The following DSCAML1 variants were observed in gnomAD, a reference collection of about 807,000 sequenced individuals.
The protein encoded by DSCAML1 is cell adhesion molecule DSCAML1.
Under a neutral mutation model 200.5 loss-of-function variants are expected in DSCAML1, and 38 were observed. That is an observed-to-expected ratio of 0.19 (90% CI 0.15 to 0.25). The LOEUF is 0.25. DSCAML1 is among the 10% of genes least tolerant of loss of function. The pLI is 1.00. For synonymous variants in DSCAML1, 1,215 were observed against 1,165.0 expected, an observed-to-expected ratio of 1.04 and a Z score of -0.87; for missense variants, 2,223 against 2,858.8, an observed-to-expected ratio of 0.78 and a Z score of 5.07.
At chr11:117,786,991 C>T (rs937921279) in intron 1 of DSCAML1, among the ~76,000 whole-genome samples, 3 of 152,178 alleles carry the variant, frequency 2.0e-5, no homozygotes, top group Non-Finnish European at 4.4e-5. Context: ...TATTCTCTCC[C>T]TTGCAAGGCC....
At chr11:117,613,525 G>T (rs138564973) in intron 3 of DSCAML1, among the ~76,000 whole-genome samples, 1 of 152,036 alleles carries the variant, frequency 6.6e-6, no homozygotes, top group African/African-American at 2.4e-5. Flanking sequence ...GTCCTCTACC[G>T]AGAACAAGAA....
At chr11:117,709,817 G>A in intron 3 of DSCAML1, 1 of 453,626 alleles carries the variant, frequency 2.2e-6, no homozygotes, top group Non-Finnish European at 4.4e-6. Flanking sequence ...CTAGGGAGCT[G>A]GTCCCAGCCT....
chr11:117,518,515 C>T lies in DSCAML1; in HGVS notation c.1461G>A (p.Ala487=), dbSNP rs767362533. The T allele has an allele frequency of 3.3e-5, 54 of 1,614,112 alleles. No homozygotes were observed. The highest frequency in any genetic ancestry group is 5.5e-5 in the South Asian group (5 of 91,086). The change falls in exon 7 of 33, where the codon GCG becomes GCA. Residue 487 remains alanine, a synonymous_variant. Transcript: ENST00000651296. The surrounding 1 kb of genome is among the most constrained non-coding windows in gnomAD (Gnocchi z 6.3). ...IRDGGVYRCT[A]RNLVGSAEYQ... is the part of the protein sequence containing the mutation. ...ATTCAGCACTGCCCACCAAGTTCCG[C>T]GCTGTGCACCGGTACACGCCCCCGT...
chr11:117,622,512 A>G (rs2051954278), intron 3 of DSCAML1, among the ~76,000 whole-genome samples: 1 of 151,898 alleles, frequency 6.6e-6, no homozygotes, highest in African/African-American at 2.4e-5. Context: ...CATTGACCTC[A>G]CCGATGAGCC....
At chr11:117,569,977 T>C (rs529752848) in intron 3 of DSCAML1, among the ~76,000 whole-genome samples, 1 of 152,306 alleles carries the variant, frequency 6.6e-6, no homozygotes, top group Non-Finnish European at 1.5e-5. Context: ...ATTAAGTCAT[T>C]GAGATCTTGG....
intron 3 of DSCAML1, among the ~76,000 whole-genome samples, chr11:117,693,501 C>T (rs774247616): frequency 5.3e-5 from 8 of 152,154 alleles, no homozygotes; most frequent in African/African-American, 1.9e-4. Flanking sequence ...TGCACCCCCC[C>T]ATTTGACATC....
chr11:117,477,856 G>A (rs940605088), intron 14 of DSCAML1, among the ~76,000 whole-genome samples: 2 of 152,136 alleles, frequency 1.3e-5, no homozygotes, highest in African/African-American at 2.4e-5. Context: ...GGGCTGTGCT[G>A]GAGCCATCCC....
At chr11:117,458,694 G>C in intron 19 of DSCAML1, 60 bp downstream of exon 19, 1 of 1,586,850 alleles carries the variant, frequency 6.3e-7, no homozygotes, top group Non-Finnish European at 8.5e-7. Context: ...CCTGGGGTGG[G>C]GCTGGGGGTT....
chr11:117,547,219 C>G (rs951380006), intron 3 of DSCAML1, among the ~76,000 whole-genome samples: 29 of 152,208 alleles, frequency 1.9e-4, no homozygotes, highest in African/African-American at 6.5e-4. Flanking sequence ...CCCAGAGCCC[C>G]CACCCCCACT....
intron 3 of DSCAML1, among the ~76,000 whole-genome samples, chr11:117,602,575 G>A (rs1252908332): frequency 6.6e-6 from 1 of 152,000 alleles, no homozygotes; most frequent in Non-Finnish European, 1.5e-5. Flanking sequence ...TGCCCAGGCT[G>A]GTCTTGAACT....
intron 11 of DSCAML1, among the ~76,000 whole-genome samples, chr11:117,501,248 G>A (rs2049387759): frequency 6.6e-6 from 1 of 152,056 alleles, no homozygotes; most frequent in Non-Finnish European, 1.5e-5. Flanking sequence ...GGGGCGGGGG[G>A]TTACTTGGAA....
At chr11:117,565,696 CT>C (rs558426742) in intron 3 of DSCAML1, among the ~76,000 whole-genome samples, 17 of 152,296 alleles carry the variant, frequency 1.1e-4, no homozygotes, top group African/African-American at 3.6e-4. Context: ...ACTGTCTCAC[CT>C]TTTTGGTGTT....
intron 1 of DSCAML1, among the ~76,000 whole-genome samples, chr11:117,796,101 C>T (rs1591519810): frequency 6.6e-6 from 1 of 152,274 alleles, no homozygotes; most frequent in South Asian, 2.1e-4. Context: ...CCTGCCTGGT[C>T]CCGACTCAGT....
At chr11:117,627,361 C>T (rs1319009935) in intron 3 of DSCAML1, among the ~76,000 whole-genome samples, 7 of 152,194 alleles carry the variant, frequency 4.6e-5, no homozygotes, top group African/African-American at 1.2e-4. Flanking sequence ...GGTTTTCATT[C>T]GCCCTGCCCT....
At chr11:117,786,583 C>T (rs954947263) in intron 1 of DSCAML1, among the ~76,000 whole-genome samples, 1 of 152,164 alleles carries the variant, frequency 6.6e-6, no homozygotes, top group Admixed American at 6.5e-5. Context: ...TCCCACCCCA[C>T]CTGCCTGTGT....
intron 16 of DSCAML1, among the ~76,000 whole-genome samples, chr11:117,467,166 T>G (rs2048595243): frequency 6.9e-6 from 1 of 144,316 alleles, no homozygotes; most frequent in Non-Finnish European, 1.5e-5. Context: ...CCCAGCCAGG[T>G]GCGCGCACGC....
At chr11:117,472,562 G>A (rs370462344) in intron 14 of DSCAML1, among the ~76,000 whole-genome samples, 6 of 152,112 alleles carry the variant, frequency 3.9e-5, no homozygotes, top group African/African-American at 1.4e-4. Flanking sequence ...GGTTGAGGGG[G>A]ACAGGCCAAG....
chr11:117,652,125 T>C (rs1253787555), intron 3 of DSCAML1, among the ~76,000 whole-genome samples: 1 of 152,220 alleles, frequency 6.6e-6, no homozygotes, highest in Admixed American at 6.5e-5. Context: ...ACTGGACTTA[T>C]CGAGATCCAG....
intron 1 of DSCAML1, among the ~76,000 whole-genome samples, chr11:117,807,440 C>T (rs2055716216): frequency 6.6e-6 from 1 of 152,162 alleles, no homozygotes; most frequent in Non-Finnish European, 1.5e-5. Context: ...CTCCCCACTC[C>T]GCCCAGCCTA....
Sources: gnomAD v4.1 joint callset for allele counts (sites outside exome capture counted in the v4.1 genomes callset) on GRCh38, gnomAD v4.1.1 for gene constraint, Gnocchi (gnomAD v3.1) non-coding constraint, MANE v1.5 for transcripts, NCBI Gene and HGNC (gene_info 2026-07-23, HGNC 2026-07-21) for gene names.